ALPK2: variants seen among roughly 807,000 people sequenced by gnomAD.
ALPK2 encodes the protein alpha kinase 2, also known as alpha-protein kinase 2.
Under a neutral mutation model 163.1 loss-of-function variants are expected in ALPK2, and 127 were observed. The observed-to-expected ratio is 0.78, with a 90% CI of 0.67 to 0.90. The LOEUF is 0.90. Among genes scored for constraint, ALPK2 ranks in the 40% least tolerant of loss-of-function variants. The pLI is 0.00. For missense variants in ALPK2, 2,360 were observed against 2,589.6 expected (o/e 0.91, Z 1.92); for synonymous variants, 953 against 959.1 (o/e 0.99, Z 0.12).
At chr18:58,550,453 C>T (rs887438003) in intron 4 of ALPK2, among the ~76,000 whole-genome samples, 59 of 145,226 alleles carry the variant, frequency 4.1e-4, no homozygotes, top group Middle Eastern at 3.7e-3. Flanking sequence ...ATATCATATA[C>T]AACCCCATCC....
intron 9 of ALPK2, among the ~76,000 whole-genome samples, chr18:58,515,951 T>G (rs188901742): frequency 1.3e-5 from 2 of 152,234 alleles, no homozygotes; most frequent in African/African-American, 4.8e-5. Context: ...TGGTGATTCA[T>G]GCCTGTAATC....
chr18:58,484,752 T>TATTATA (rs1555659655), intron 12 of ALPK2, among the ~76,000 whole-genome samples: 13 of 149,696 alleles, frequency 8.7e-5, no homozygotes, highest in African/African-American at 3.2e-4. Flanking sequence ...CAAAAAATAA[T>TATTATA]ATAATAATAA....
chr18:58,485,144 G>C (rs896659286), intron 12 of ALPK2, among the ~76,000 whole-genome samples: 1 of 152,206 alleles, frequency 6.6e-6, no homozygotes, highest in Non-Finnish European at 1.5e-5. Flanking sequence ...AATTGCACAC[G>C]CATGAAACCA....
Position 58,481,607 on chromosome 18 carries a change from C to A in ALPK2, c.*216G>T. ...CTGTCTTTGAGACCAATCGTTGATT[C>A]AATCTCCCCATAAACCTGGTCGCAA... On this transcript the variant is annotated 3_prime_UTR_variant, in exon 13 of 13. Transcript: ENST00000361673. 1.7e-6 allele frequency: 1 copy of A among 579,968 alleles called. No homozygotes were observed. 35.9% of individuals were successfully genotyped at this position (579,968 alleles called of 1,614,324 possible). A position where few individuals can be genotyped will look rare whatever the true frequency, so the allele number is the denominator to read the frequency against.
intron 4 of ALPK2, chr18:58,543,235 G>T: frequency 5.8e-6 from 3 of 517,270 alleles, no homozygotes; most frequent in Non-Finnish European, 7.5e-6. Flanking sequence ...CAGGCCCTCT[G>T]CCTGGGACTT....
intron 11 of ALPK2, among the ~76,000 whole-genome samples, chr18:58,501,782 A>G (rs896239057): frequency 6.6e-6 from 1 of 152,098 alleles, no homozygotes; most frequent in Non-Finnish European, 1.5e-5. Context: ...CTGCAGGGTT[A>G]TTATGAAGAT....
chr18:58,498,431 G>A (rs2051412569), intron 11 of ALPK2, among the ~76,000 whole-genome samples: 1 of 152,164 alleles, frequency 6.6e-6, no homozygotes, highest in Non-Finnish European at 1.5e-5. Flanking sequence ...TGTCCCGTAA[G>A]CAATCTCCCC....
chr18:58,558,008 C>T (rs1326313586), intron 4 of ALPK2, among the ~76,000 whole-genome samples: 1 of 152,086 alleles, frequency 6.6e-6, no homozygotes, highest in Non-Finnish European at 1.5e-5. Flanking sequence ...GACTATCCAA[C>T]CTGGGAGCTT....
intron 4 of ALPK2, among the ~76,000 whole-genome samples, chr18:58,573,197 T>C (rs1325195247): frequency 2.0e-5 from 3 of 146,866 alleles, no homozygotes; most frequent in Non-Finnish European, 4.5e-5. Context: ...TATATGTGTA[T>C]ATATATGTGT....
intron 4 of ALPK2, among the ~76,000 whole-genome samples, chr18:58,560,573 T>C (rs1009823430): frequency 3.9e-5 from 6 of 152,216 alleles, no homozygotes; most frequent in Admixed American, 3.3e-4. Flanking sequence ...TGGGACCACC[T>C]GGGTCAAAGA....
Position 58,512,073 on chromosome 18 carries a change from G to A in ALPK2, c.6029+2920C>T, listed in dbSNP as rs542448865. ...GGACCTTTCCCGCAGCCCTGAAATC[G>A]GTGCAGCCGCCAAGCCACCCTCTGT... On this transcript the variant is annotated intron_variant, in intron 10 of 12. Coordinates refer to ENST00000361673, the MANE Select transcript of ALPK2 (RefSeq NM_052947.4). 3 of 152,334 alleles carry A rather than the reference G, an allele frequency of 2.0e-5. No individual in the cohort carries two copies. The South Asian group carries it at 6.2e-4, about 32-fold the overall frequency. 9.4% of individuals were successfully genotyped at this position (152,334 alleles called of 1,614,324 possible).
Position 58,481,801 on chromosome 18 carries a change from G to A in ALPK2, c.*22C>T, listed in dbSNP as rs774726690. 7 of 1,584,182 alleles carry A rather than the reference G, an allele frequency of 4.4e-6. No homozygotes were observed. Among genetic ancestry groups the A allele is most frequent in the East Asian group, 4.5e-5 (2 of 44,736 alleles). On this transcript the variant is annotated 3_prime_UTR_variant, in exon 13 of 13. Coordinates refer to ENST00000361673, the MANE Select transcript of ALPK2 (RefSeq NM_052947.4). ...CGAGATTGTGTGCTGCTAGCCAGTG[G>A]CCATTAGGTTACCCAGGGACGTTAG... is the stretch of plus-strand genomic sequence containing the variant.
At chr18:58,612,464 T>G (rs143902891) in intron 1 of ALPK2, among the ~76,000 whole-genome samples, 304 of 152,336 alleles carry the variant, frequency 2.0e-3, no homozygotes, top group African/African-American at 6.3e-3. Flanking sequence ...CCAGATATAT[T>G]ATTTCACTTA....
intron 12 of ALPK2, among the ~76,000 whole-genome samples, chr18:58,493,117 G>A (rs1447661541): frequency 6.6e-6 from 1 of 152,168 alleles, no homozygotes; most frequent in Non-Finnish European, 1.5e-5. Context: ...TGACCCTGTG[G>A]CAGGCGGGGA....
chr18:58,599,100 C>A (rs542867374), intron 3 of ALPK2, among the ~76,000 whole-genome samples: 48 of 152,278 alleles, frequency 3.2e-4, no homozygotes, highest in Middle Eastern at 3.4e-3. Context: ...ATGGTGGGAG[C>A]AGCCACCCAA....
chr18:58,623,148 GC>G (rs139442809), intron 1 of ALPK2, among the ~76,000 whole-genome samples: 5,579 of 152,240 alleles, frequency 0.037, 317 homozygotes, highest in African/African-American at 0.13. Context: ...TCTGATCTCT[GC>G]CACCTTCTAC....
chr18:58,514,671 A>G (rs369804484), intron 10 of ALPK2, among the ~76,000 whole-genome samples: 2 of 152,246 alleles, frequency 1.3e-5, no homozygotes, highest in Admixed American at 6.5e-5. Flanking sequence ...TGTAATAGCT[A>G]TGAGAGTAGA....
At position 58,505,415 on chromosome 18, in the gene ALPK2, C is replaced by T. The variant is rs562511498; in HGVS notation, c.6030-1267G>A. 2.6e-5 allele frequency among the ~76,000 whole-genome samples: 4 copies of T among 152,252 alleles called. No homozygotes were observed. The South Asian group carries it at 6.2e-4, about 24-fold the overall frequency. On this transcript the variant is annotated intron_variant, in intron 10 of 12. Transcript: ENST00000361673. ...GCTGCCACAAGCACATCCATACTCT[C>T]ACCTCCCGGTCTGTGCCCACACACT...
At chr18:58,551,662 G>A (rs942582039) in intron 4 of ALPK2, among the ~76,000 whole-genome samples, 1 of 152,210 alleles carries the variant, frequency 6.6e-6, no homozygotes. Flanking sequence ...ACTTGACTGG[G>A]TGGGTGGTGT....
Sources: gnomAD v4.1 joint callset for allele counts (sites outside exome capture counted in the v4.1 genomes callset) on GRCh38, gnomAD v4.1.1 for gene constraint, MANE v1.5 for transcripts, NCBI Gene and HGNC (gene_info 2026-07-23, HGNC 2026-07-21) for gene names.